The following NRXN1 variants were observed in gnomAD, a reference collection of about 807,000 sequenced individuals.
NRXN1 encodes the protein neurexin-1.
In NRXN1, 39 loss-of-function variants were observed where a neutral mutation model predicts 150.9. That is an observed-to-expected ratio of 0.26 (90% CI 0.20 to 0.34). NRXN1 has a LOEUF of 0.34. Ranked by LOEUF, NRXN1 falls within the 10% of genes least tolerant of loss-of-function variation. The probability of loss-of-function intolerance (pLI) is 1.00; values close to 1 mark genes in which losing one functional copy is unlikely to be tolerated. For missense variants in NRXN1, 1,815 were observed against 1,949.9 expected, an observed-to-expected ratio of 0.93 and a Z score of 1.30; for synonymous variants, 924 against 757.0, an observed-to-expected ratio of 1.22 and a Z score of -3.62.
At chr2:50,600,053 T>G (rs1455284381) in intron 8 of NRXN1, among the ~76,000 whole-genome samples, 4 of 151,986 alleles carry the variant, frequency 2.6e-5, no homozygotes, top group African/African-American at 9.7e-5. Context: ...AAAATAATAT[T>G]TTAGAAGAGA....
rs999563113 is a variant in NRXN1, at chr2:49,923,759, C to T, written c.4217-1508G>A. Among the ~76,000 whole-genome samples, 7 of 152,120 alleles carry T rather than the reference C, an allele frequency of 4.6e-5. No homozygotes were observed. The South Asian group carries it at 1.2e-3, about 27-fold the overall frequency. ...GTTTTTCTGTGATTTTCTTTTCCTT[C>T]CTCAAATAAAGCCTTAACAAATACA... On this transcript the variant is annotated intron_variant, in intron 22 of 22. Transcript: ENST00000401669.
chr2:50,472,835 A>G (rs199524564), intron 15 of NRXN1, among the ~76,000 whole-genome samples: 1,946 of 113,566 alleles, frequency 0.017, 46 homozygotes, highest in African/African-American at 0.072. Context: ...GTGTGTATAT[A>G]TATATATAAG....
chr2:50,501,415 G>GTA lies in NRXN1; in HGVS notation c.2498-3702_2498-3701insTA, dbSNP rs1403064714. On this transcript the variant is annotated intron_variant, in intron 13 of 22. Coordinates refer to ENST00000401669, the MANE Select transcript of NRXN1 (RefSeq NM_001330078.2). ...TGTGTGTGTGAGTGTGTGTGTGTGTGTGTGTGTGTGTTTATTCCCTTTGTG... is the reference window on the plus strand; with the variant it reads ...TGTGTGTGTGAGTGTGTGTGTGTGTGTATGTGTGTGTGTTTATTCCCTTTGTG... Among the ~76,000 whole-genome samples the GTA allele has an allele frequency of 3.3e-5, 5 of 151,894 alleles. No individual in the cohort carries two copies. In the East Asian group the frequency reaches 9.7e-4, roughly 29 times the overall value.
intron 17 of NRXN1, among the ~76,000 whole-genome samples, chr2:50,262,829 G>A (rs532171666): frequency 6.6e-6 from 1 of 152,090 alleles, no homozygotes; most frequent in South Asian, 2.1e-4. Context: ...CCCATTGTAA[G>A]ATAATCCTGC....
In NRXN1 at chr2:50,457,758, C is replaced by T. The variant is rs531262549; in HGVS notation, c.3364+7684G>A. ...GAGAAATGCAAAAATCACATTAAGACATCAAAATCAAAATCACAATGAGAT... is the reference window on the plus strand; with the variant it reads ...GAGAAATGCAAAAATCACATTAAGATATCAAAATCAAAATCACAATGAGAT... On this transcript the variant is annotated intron_variant, in intron 17 of 22. Transcript: ENST00000401669. Among the ~76,000 whole-genome samples, 3 of 152,016 alleles carry T rather than the reference C, an allele frequency of 2.0e-5. No homozygotes were observed. In the East Asian group the frequency reaches 5.8e-4, roughly 29 times the overall value.
intron 5 of NRXN1, among the ~76,000 whole-genome samples, chr2:50,729,359 T>C (rs1390291372): frequency 2.0e-5 from 3 of 152,182 alleles, no homozygotes; most frequent in Non-Finnish European, 1.5e-5. Flanking sequence ...TTGGGTAAAA[T>C]AATTATGCTC....
chr2:50,636,830 G>T (rs2104447956), intron 5 of NRXN1, among the ~76,000 whole-genome samples: 1 of 152,216 alleles, frequency 6.6e-6, no homozygotes, highest in South Asian at 2.1e-4. Context: ...TACAGATTGT[G>T]TTTGATTATT....
At chr2:50,675,607 T>C (rs1271091772) in intron 5 of NRXN1, among the ~76,000 whole-genome samples, 3 of 152,204 alleles carry the variant, frequency 2.0e-5, no homozygotes, top group Admixed American at 2.0e-4. Context: ...GCTATTCCAA[T>C]GCAATGTAAA....
At chr2:50,215,220 C>T (rs2063312818) in intron 18 of NRXN1, among the ~76,000 whole-genome samples, 1 of 151,970 alleles carries the variant, frequency 6.6e-6, no homozygotes, top group African/African-American at 2.4e-5. Flanking sequence ...TAATGTGCTC[C>T]TGTCTTTCTT....
chr2:49,993,388 T>C (rs2152523200), intron 21 of NRXN1, among the ~76,000 whole-genome samples: 1 of 152,316 alleles, frequency 6.6e-6, no homozygotes, highest in African/African-American at 2.4e-5. Flanking sequence ...CAAAGTTCAC[T>C]GGTTGCTAGG....
At chr2:50,791,550 T>C (rs773284113) in intron 5 of NRXN1, among the ~76,000 whole-genome samples, 5 of 152,076 alleles carry the variant, frequency 3.3e-5, no homozygotes, top group Non-Finnish European at 5.9e-5. Context: ...GTTTGGTCTT[T>C]AGTATGTACT....
chr2:50,639,903 T>A (rs188240931), intron 5 of NRXN1, among the ~76,000 whole-genome samples: 5 of 152,136 alleles, frequency 3.3e-5, no homozygotes, highest in African/African-American at 1.2e-4. Flanking sequence ...TATTCCTACT[T>A]AAAAACAGAT....
At chr2:50,401,080 T>C (rs1385980580) in intron 17 of NRXN1, among the ~76,000 whole-genome samples, 1 of 152,126 alleles carries the variant, frequency 6.6e-6, no homozygotes, top group East Asian at 1.9e-4. Flanking sequence ...ACATTTCAAA[T>C]TTAAATTTTC....
intron 17 of NRXN1, among the ~76,000 whole-genome samples, chr2:50,455,308 T>C (rs887826245): frequency 6.6e-6 from 1 of 152,174 alleles, no homozygotes; most frequent in African/African-American, 2.4e-5. Context: ...ACCTACTCCA[T>C]TTGGCTTTAC....
chr2:50,191,814 T>C (rs1427498299), intron 18 of NRXN1, among the ~76,000 whole-genome samples: 3 of 152,348 alleles, frequency 2.0e-5, no homozygotes, highest in East Asian at 1.9e-4. Flanking sequence ...TAATATGTTA[T>C]ACACTGTGCA....
chr2:50,103,221 A>C (rs1249947107), intron 18 of NRXN1, among the ~76,000 whole-genome samples: 1 of 152,064 alleles, frequency 6.6e-6, no homozygotes, highest in Non-Finnish European at 1.5e-5. Flanking sequence ...TTCTACGCTC[A>C]TATTTCTAAA....
chr2:50,943,213 C>T (rs143066601), intron 2 of NRXN1, among the ~76,000 whole-genome samples: 167 of 152,170 alleles, frequency 1.1e-3, no homozygotes, highest in African/African-American at 3.9e-3. Flanking sequence ...GTCAATTAAA[C>T]CTCTTTTCTT....
chr2:50,968,860 C>G (rs1361156830), intron 2 of NRXN1, among the ~76,000 whole-genome samples: 1 of 152,044 alleles, frequency 6.6e-6, no homozygotes, highest in African/African-American at 2.4e-5. Context: ...CTGGTCACTT[C>G]TTCGTTCCAT....
chr2:49,964,577 C>T (rs913135268), intron 21 of NRXN1, among the ~76,000 whole-genome samples: 1 of 143,940 alleles, frequency 6.9e-6, no homozygotes, highest in East Asian at 2.1e-4. Context: ...TGGTGGCTCA[C>T]ATCTGTAATC....
Sources: gnomAD v4.1 joint callset for allele counts (sites outside exome capture counted in the v4.1 genomes callset) on GRCh38, gnomAD v4.1.1 for gene constraint, MANE v1.5 for transcripts, NCBI Gene and HGNC (gene_info 2026-07-23, HGNC 2026-07-21) for gene names.